Variants in CDR2 observed in about 807,000 individuals in gnomAD.
CDR2 encodes cerebellar degeneration-related protein 2.
CDR2 carries 34 observed loss-of-function variants against 48.4 expected under a neutral mutation model. The observed-to-expected ratio is 0.70, with a 90% CI of 0.53 to 0.94. The LOEUF (loss-of-function observed/expected upper bound fraction) is 0.94. Ranked by LOEUF, CDR2 falls within the 40% of genes least tolerant of loss-of-function variation. The pLI is 0.00. For synonymous variants in CDR2, 240 were observed against 219.7 expected, an observed-to-expected ratio of 1.09 and a Z score of -0.82; for missense variants, 498 against 549.5, an observed-to-expected ratio of 0.91 and a Z score of 0.94.
At chr16:22,352,709 G>T (rs1567344788) in intron 2 of CDR2, among the ~76,000 whole-genome samples, 1 of 152,148 alleles carries the variant, frequency 6.6e-6, no homozygotes, top group Non-Finnish European at 1.5e-5. Context: ...TTGCTTTATA[G>T]AGCTTTTTGA....
At chr16:22,369,654 G>A (rs1478991204) in intron 1 of CDR2, among the ~76,000 whole-genome samples, 3 of 152,106 alleles carry the variant, frequency 2.0e-5, no homozygotes, top group Non-Finnish European at 4.4e-5. Flanking sequence ...CTGTATAACA[G>A]GATATTACTT....
At chr16:22,355,117 C>T (rs772853065) in intron 2 of CDR2, among the ~76,000 whole-genome samples, 3 of 152,136 alleles carry the variant, frequency 2.0e-5, no homozygotes, top group Non-Finnish European at 2.9e-5. Context: ...ATTTCTAGGA[C>T]GTTTTATTTT....
At chr16:22,353,459 A>C (rs900960710) in intron 2 of CDR2, among the ~76,000 whole-genome samples, 10 of 152,198 alleles carry the variant, frequency 6.6e-5, no homozygotes, top group Non-Finnish European at 1.5e-4. Context: ...AAGGCTGTAA[A>C]GATAAATATG....
intron 1 of CDR2, among the ~76,000 whole-genome samples, chr16:22,369,582 T>C (rs758431358): frequency 2.6e-5 from 4 of 151,398 alleles, no homozygotes; most frequent in Non-Finnish European, 4.4e-5. Flanking sequence ...TAAATATTTA[T>C]AGGCTGTTAA....
At position 22,374,375 on chromosome 16, in the gene CDR2, C is replaced by T; in HGVS notation, c.-66G>A. Reference sequence around the variant, plus strand: ...CCCGCCTCAGCCGCTGCCCCGGGCTCTTCCCCGGCCCCTCCGCCCTCAGCC... The same window carrying T: ...CCCGCCTCAGCCGCTGCCCCGGGCTTTTCCCCGGCCCCTCCGCCCTCAGCC... On this transcript the variant is annotated 5_prime_UTR_variant, in exon 1 of 5. Coordinates refer to ENST00000268383, the MANE Select transcript of CDR2 (RefSeq NM_001802.2). 1 of 1,147,820 alleles carries T rather than the reference C, an allele frequency of 8.7e-7. No homozygotes were observed. Among genetic ancestry groups the T allele is most frequent in the South Asian group, 1.4e-5 (1 of 73,926 alleles). 71.1% of individuals were successfully genotyped at this position (1,147,820 alleles called of 1,614,324 possible). A position where few individuals can be genotyped will look rare whatever the true frequency, so the allele number is the denominator to read the frequency against.
At position 22,347,360 on chromosome 16, in the gene CDR2, C is replaced by G; in HGVS notation, c.970G>C (p.Val324Leu). Residue 324 changes from valine (V) to leucine (L), a missense_variant, in exon 5 of 5, where the codon GTG (valine) becomes CTG (leucine). Coordinates refer to ENST00000268383, the MANE Select transcript of CDR2 (RefSeq NM_001802.2). ...ILSSLAGSDIVKGHEETCIRR... is the reference protein window; with the variant it reads ...ILSSLAGSDILKGHEETCIRR... ...ATGCAGGTCTCCTCGTGGCCCTTCA[C>G]GATGTCACTCCCTGCCAAGCTGCTG... 6.2e-7 allele frequency: 1 copy of G among 1,614,208 alleles called. No individual in the cohort carries two copies. The highest frequency in any genetic ancestry group is 8.5e-7 in the Non-Finnish European group (1 of 1,180,032).
In CDR2 at chr16:22,347,642, TCTC is replaced by T. The variant is rs771236733; in HGVS notation, c.685_687del (p.Glu229del). On this transcript the variant is annotated inframe_deletion, in exon 5 of 5. Transcript: ENST00000268383. ...CCCAGCTGCTGCTCCAGTTCACTGT[TCTC>T]CTTTAACACGAGCCCATATTCCTCC... 3.7e-6 allele frequency: 6 copies of T among 1,613,978 alleles called. No individual in the cohort carries two copies. Among genetic ancestry groups the T allele is most frequent in the African/African-American group, 2.7e-5 (2 of 74,908 alleles).
At chr16:22,371,319 C>G (rs1471575313) in intron 1 of CDR2, among the ~76,000 whole-genome samples, 4 of 152,208 alleles carry the variant, frequency 2.6e-5, no homozygotes, top group Admixed American at 2.0e-4. Context: ...TCCCACTAGA[C>G]TTGCTGAATA....
chr16:22,370,966 A>C (rs2049071651), intron 1 of CDR2, among the ~76,000 whole-genome samples: 1 of 152,196 alleles, frequency 6.6e-6, no homozygotes. Context: ...TAATCCCAGC[A>C]CTTTGGGAGG....
rs774245918 is a variant in CDR2, at chr16:22,349,406, C to A, written c.379G>T (p.Asp127Tyr). The change falls in exon 4 of 5, where the codon GAT (aspartate) becomes TAT (tyrosine). Residue 127 changes from aspartate to tyrosine, a missense_variant. By Grantham distance (160) the Asp-to-Tyr change is radical. Coordinates refer to ENST00000268383, the MANE Select transcript of CDR2 (RefSeq NM_001802.2). ...ETIECLQTNI[D>Y]HLQSQVEELK... ...TCCTCCACTTGGCTCTGGAGGTGAT[C>A]AATGTTGGTTTGCAGGCATTCAATC... 7 of 1,614,074 alleles carry A rather than the reference C, an allele frequency of 4.3e-6. No individual in the cohort carries two copies. The South Asian group carries it at 7.7e-5, about 18-fold the overall frequency.
chr16:22,347,099 C>T lies in CDR2; in HGVS notation c.1231G>A (p.Glu411Lys). ...SGWELASVNP[E>K]PVSSPTTPPE... ...GGTGTTGTAGGGGAACTCACGGGCT[C>T]TGGGTTGACAGAGGCCAGTTCCCAG... Residue 411 changes from glutamate to lysine, a missense_variant, in exon 5 of 5, where the codon GAG becomes AAG. By Grantham distance (56) the Glu-to-Lys change is moderately conservative. Coordinates refer to ENST00000268383, the MANE Select transcript of CDR2 (RefSeq NM_001802.2). 1 of 1,614,208 alleles carries T rather than the reference C, an allele frequency of 6.2e-7. No individual in the cohort carries two copies. Among genetic ancestry groups the T allele is most frequent in the African/African-American group, 1.3e-5 (1 of 75,058 alleles).
In CDR2 at chr16:22,346,052, C is replaced by CAGA. The variant is rs56772932; in HGVS notation, c.*910_*912dup. 4,844 of 152,672 alleles carry CAGA rather than the reference C, an allele frequency of 0.032. 164 individuals are homozygous for CAGA. The highest frequency in any genetic ancestry group is 0.11 in the East Asian group (548 of 5,188). The allele number at this position is 152,672 out of a possible 1,614,324, so 9.5% of individuals were successfully genotyped here. A position where few individuals can be genotyped will look rare whatever the true frequency, so the allele number is the denominator to read the frequency against. On this transcript the variant is annotated 3_prime_UTR_variant, in exon 5 of 5. Coordinates refer to ENST00000268383, the MANE Select transcript of CDR2 (RefSeq NM_001802.2). ...GCAAGTGAGAGGATGTTTCCACAGT[C>CAGA]AGATCAATACTGCTTAATAAAGTAG...
intron 2 of CDR2, among the ~76,000 whole-genome samples, chr16:22,356,939 T>TCAAAAA (rs2048977769): frequency 1.6e-5 from 1 of 61,510 alleles, no homozygotes; most frequent in Non-Finnish European, 2.9e-5. Flanking sequence ...AGACTCCATC[T>TCAAAAA]CAAAAAAAAA....
At chr16:22,352,184 G>A (rs1364056522) in intron 2 of CDR2, among the ~76,000 whole-genome samples, 2 of 152,156 alleles carry the variant, frequency 1.3e-5, no homozygotes, top group African/African-American at 4.8e-5. Context: ...CGTGGGAGGT[G>A]AACGTTGCAG....
rs2049101280 is a variant in CDR2 at position 22,374,210 on chromosome 16, GCGGGGCGCCCC to G, written c.79+10_79+20del. The G allele has an allele frequency of 1.3e-6, 2 of 1,546,916 alleles. No homozygotes were observed. Among genetic ancestry groups the G allele is most frequent in the Non-Finnish European group, 1.8e-6 (2 of 1,137,276 alleles). ...TCCCGGGCCAGGCCGCCGCCCGCCCGCGGGGCGCCCCCGCCCTCACCTTGCTGGAGGTCCTG... is the reference window on the plus strand; with the variant it reads ...TCCCGGGCCAGGCCGCCGCCCGCCCGCGCCCTCACCTTGCTGGAGGTCCTG... On this transcript the variant is annotated intron_variant, in intron 1 of 4. Transcript: ENST00000268383.
In CDR2 at chr16:22,349,823, TAG is replaced by T. The variant is rs1189069212; in HGVS notation, c.217_218del (p.Leu73ThrfsTer12). On this transcript the variant is annotated frameshift_variant, in exon 3 of 5. Coordinates refer to ENST00000268383, the MANE Select transcript of CDR2 (RefSeq NM_001802.2). LOFTEE classifies it high-confidence loss of function. ...TTGCATGTTGTTCGTTCATCTGCCG[TAG>T]AAGTTCCACTTGCTTCGTCAGATAC... ...IEYLTKQVEL[L>X]RQMNEQHAKV... 6 of 1,614,160 alleles carry T rather than the reference TAG, an allele frequency of 3.7e-6. No individual in the cohort carries two copies. The highest frequency in any genetic ancestry group is 5.1e-6 in the Non-Finnish European group (6 of 1,179,988).
intron 1 of CDR2, among the ~76,000 whole-genome samples, chr16:22,369,757 A>C (rs1032175403): frequency 6.6e-6 from 1 of 151,176 alleles, no homozygotes; most frequent in African/African-American, 2.4e-5. Flanking sequence ...AAGAGGCCAA[A>C]AGCTGGCAGT....
chr16:22,369,777 A>C (rs1020577301), intron 1 of CDR2, among the ~76,000 whole-genome samples: 1 of 152,232 alleles, frequency 6.6e-6, no homozygotes, highest in African/African-American at 2.4e-5. Context: ...TAAGCCCAAG[A>C]AAGTTTTCTA....
chr16:22,367,756 GGTTA>G (rs2049052432), intron 1 of CDR2, among the ~76,000 whole-genome samples: 1 of 152,086 alleles, frequency 6.6e-6, no homozygotes, highest in Non-Finnish European at 1.5e-5. Context: ...TATTCTACTT[GGTTA>G]GTTTTCACTC....
Sources: gnomAD v4.1 joint callset for allele counts (sites outside exome capture counted in the v4.1 genomes callset) on GRCh38, gnomAD v4.1.1 for gene constraint, MANE v1.5 for transcripts, NCBI Gene and HGNC (gene_info 2026-07-23, HGNC 2026-07-21) for gene names.